The following RGPD8 variants were observed in gnomAD, a reference collection of about 807,000 sequenced individuals.
RGPD8 encodes the protein RANBP2-like and GRIP domain-containing protein 8.
A neutral mutation model predicts 89.1 loss-of-function variants in RGPD8; 15 were observed. The observed-to-expected ratio is 0.17, with a 90% CI of 0.11 to 0.26. The LOEUF is 0.26. Ranked by LOEUF, RGPD8 falls within the 10% of genes least tolerant of loss-of-function variation. The pLI is 1.00. For missense variants in RGPD8, 178 were observed against 1,179.6 expected (o/e 0.15, Z 12.44); for synonymous variants, 62 against 420.9 (o/e 0.15, Z 10.44).
intron 7 of RGPD8, among the ~76,000 whole-genome samples, chr2:112,408,788 C>T (rs1369994833): frequency 7.9e-5 from 12 of 151,972 alleles, no homozygotes; most frequent in Admixed American, 1.3e-4. Context: ...TCTCCTGTCT[C>T]GGCCTCTCAA....
chr2:112,422,639 T>C lies in RGPD8; in HGVS notation c.161A>G (p.Asn54Ser), dbSNP rs1679605626. 1 of 1,602,198 alleles carries C rather than the reference T, an allele frequency of 6.2e-7. No individual in the cohort carries two copies. The highest frequency in any genetic ancestry group is 8.5e-7 in the Non-Finnish European group (1 of 1,175,854). Residue 54 changes from asparagine to serine, a missense_variant, in exon 3 of 23, where the codon AAT (asparagine) becomes AGT (serine). Asn to Ser is a conservative substitution (Grantham distance 46). Transcript: ENST00000302558. ...LAKKYICTYI[N>S]VQERDPKAHR... ...AGCTTTGGGATCCCTCTCTTGCACA[T>C]TAATGTAAGTACATATGTATCTGTT...
chr2:112,429,939 G>A (rs1327511471), intron 1 of RGPD8, among the ~76,000 whole-genome samples: 12 of 152,050 alleles, frequency 7.9e-5, no homozygotes, highest in Non-Finnish European at 1.6e-4. Flanking sequence ...TACCGAGTAG[G>A]TGGGACTACA....
intron 7 of RGPD8, among the ~76,000 whole-genome samples, chr2:112,410,859 G>A (rs537623251): frequency 2.5e-3 from 374 of 152,370 alleles, no homozygotes; most frequent in Admixed American, 3.1e-3. Context: ...GCCGAGACGC[G>A]CAGATCACCT....
intron 20 of RGPD8, among the ~76,000 whole-genome samples, chr2:112,381,847 A>G (rs1243545057): frequency 6.6e-6 from 1 of 152,180 alleles, no homozygotes; most frequent in Non-Finnish European, 1.5e-5. Flanking sequence ...TTTATTTTAA[A>G]AAAGATTTGT....
At chr2:112,372,076 T>A (rs1384933741) in intron 22 of RGPD8, among the ~76,000 whole-genome samples, 1 of 39,458 alleles carries the variant, frequency 2.5e-5, no homozygotes, top group Non-Finnish European at 4.6e-5. Flanking sequence ...GATGTTGGCA[T>A]GGCTGGGGTC....
Position 112,433,567 on chromosome 2 carries a change from G to T in RGPD8, c.-114C>A, listed in dbSNP as rs1260661154. The T allele has an allele frequency of 4.4e-5, 51 of 1,147,382 alleles. No individual in the cohort carries two copies. Among genetic ancestry groups the T allele is most frequent in the Non-Finnish European group, 5.7e-5 (47 of 824,264 alleles). The allele number at this position is 1,147,382 out of a possible 1,614,324, so 71.1% of individuals were successfully genotyped here. A position where few individuals can be genotyped will look rare whatever the true frequency, so the allele number is the denominator to read the frequency against. ...CACTGAAGCAGCGGCGTAGCCGGCG[G>T]AGGCCCACTGTGACGAGCGTGCGGC... On this transcript the variant is annotated 5_prime_UTR_variant, in exon 1 of 23. Transcript: ENST00000302558.
intron 8 of RGPD8, among the ~76,000 whole-genome samples, chr2:112,404,882 AAAAG>A (rs1678976566): frequency 1.3e-5 from 2 of 148,148 alleles, no homozygotes; most frequent in African/African-American, 2.5e-5. Context: ...AAAAAAAAAA[AAAAG>A]AATTATTTCC....
At chr2:112,430,165 A>T (rs1179176087) in intron 1 of RGPD8, among the ~76,000 whole-genome samples, 7 of 152,194 alleles carry the variant, frequency 4.6e-5, no homozygotes, top group Admixed American at 4.6e-4. Flanking sequence ...AAGATATGAT[A>T]TACAGACGCA....
rs1282562520 is a variant in RGPD8, at chr2:112,374,619, T to C, written c.5263+3434A>G. ...TGTGACTAGAAGTAGATTTCTTCTT[T>C]TTTTTTTAATACTGCTTGAGATTTT... is the stretch of plus-strand genomic sequence containing the variant. On this transcript the variant is annotated intron_variant, in intron 22 of 22. Transcript: ENST00000302558. Among the ~76,000 whole-genome samples the C allele has an allele frequency of 7.2e-5, 9 of 124,294 alleles. 1 individual carries two copies. Among genetic ancestry groups the C allele is most frequent in the Non-Finnish European group, 1.2e-4 (7 of 56,844 alleles). 81.5% of individuals were successfully genotyped at this position (124,294 alleles called of 152,430 possible).
At chr2:112,414,273 C>G (rs1181403725) in intron 6 of RGPD8, among the ~76,000 whole-genome samples, 2 of 121,728 alleles carry the variant, frequency 1.6e-5, no homozygotes, top group African/African-American at 6.9e-5. Flanking sequence ...GTCAGGAGTT[C>G]AAGACCAGCC....
chr2:112,390,404 G>C (rs1678651967), intron 19 of RGPD8, among the ~76,000 whole-genome samples, 157 bp from the exon 20 acceptor site: 1 of 133,128 alleles, frequency 7.5e-6, no homozygotes, highest in Non-Finnish European at 1.7e-5. Context: ...TAATGTGCCA[G>C]CTGGGCACTG....
intron 22 of RGPD8, among the ~76,000 whole-genome samples, chr2:112,371,851 T>A (rs975945444): frequency 6.7e-6 from 1 of 149,926 alleles, no homozygotes; most frequent in Non-Finnish European, 1.5e-5. Flanking sequence ...TTAGGCAGAG[T>A]AGCATTTTCA....
intron 21 of RGPD8, among the ~76,000 whole-genome samples, chr2:112,379,511 C>T (rs1316972773): frequency 6.7e-6 from 1 of 149,894 alleles, no homozygotes; most frequent in Non-Finnish European, 1.5e-5. Context: ...AGGGGAATCG[C>T]TTGAACCTGG....
intron 7 of RGPD8, among the ~76,000 whole-genome samples, chr2:112,409,478 TAA>T (rs1679081680): frequency 7.6e-6 from 1 of 131,642 alleles, no homozygotes; most frequent in South Asian, 2.4e-4. Context: ...GTGAATGGAT[TAA>T]GAGGGAAACT....
Position 112,414,445 on chromosome 2 carries a change from CTAGCCTG to C in RGPD8, c.783-1826_783-1820del, listed in dbSNP as rs1679303525. On this transcript the variant is annotated intron_variant, in intron 6 of 22. Transcript: ENST00000302558. Reference sequence around the variant, plus strand: ...TGATCCGAGATCACACTGTTGCACTCTAGCCTGGGCAACAAGAGCAAAACTCCGTCTC... The same window carrying C: ...TGATCCGAGATCACACTGTTGCACTCGGCAACAAGAGCAAAACTCCGTCTC... Among the ~76,000 whole-genome samples, 3 of 108,298 alleles carry C rather than the reference CTAGCCTG, an allele frequency of 2.8e-5. No individual in the cohort carries two copies. The South Asian group carries it at 9.3e-4, about 34-fold the overall frequency. 71.0% of individuals were successfully genotyped at this position (108,298 alleles called of 152,430 possible).
intron 6 of RGPD8, among the ~76,000 whole-genome samples, chr2:112,413,108 TTAAA>T (rs1388960583): frequency 1.4e-5 from 2 of 138,184 alleles, no homozygotes; most frequent in Non-Finnish European, 3.1e-5. Flanking sequence ...CATTACAGCG[TTAAA>T]TAAATTGTCT....
intron 7 of RGPD8, among the ~76,000 whole-genome samples, chr2:112,408,748 T>G (rs1679043501): frequency 6.6e-6 from 1 of 150,808 alleles, no homozygotes. Flanking sequence ...CTCGGCTCAC[T>G]GCAACCTCCG....
chr2:112,416,088 CAAAAAAAAAA>C (rs1168507298), intron 6 of RGPD8, among the ~76,000 whole-genome samples: 5 of 88,914 alleles, frequency 5.6e-5, no homozygotes, highest in African/African-American at 1.4e-4. Context: ...GACTCCATCT[CAAAAAAAAAA>C]AAAAAAAAAA....
chr2:112,387,437 T>C (rs1351329896), intron 20 of RGPD8, among the ~76,000 whole-genome samples: 1 of 143,252 alleles, frequency 7.0e-6, no homozygotes, highest in Non-Finnish European at 1.5e-5. Context: ...TTCAGCTCAC[T>C]GCTACCTCCA....
Sources: gnomAD v4.1 joint callset for allele counts (sites outside exome capture counted in the v4.1 genomes callset) on GRCh38, gnomAD v4.1.1 for gene constraint, MANE v1.5 for transcripts, NCBI Gene and HGNC (gene_info 2026-07-23, HGNC 2026-07-21) for gene names.